EXOC6B: variants seen among roughly 807,000 people sequenced by gnomAD.
The protein encoded by EXOC6B is SEC15 homolog B.
A neutral mutation model predicts 113.5 loss-of-function variants in EXOC6B; 54 were observed. The observed-to-expected ratio is 0.48, with a 90% CI of 0.38 to 0.60. EXOC6B has a LOEUF of 0.60. EXOC6B is among the 20% of genes least tolerant of loss of function. The pLI is 0.00. For missense variants in EXOC6B, 797 were observed against 977.5 expected, an observed-to-expected ratio of 0.82 and a Z score of 2.46; for synonymous variants, 357 against 339.0, an observed-to-expected ratio of 1.05 and a Z score of -0.58.
At chr2:72,232,343 G>T (rs984782135) in intron 20 of EXOC6B, among the ~76,000 whole-genome samples, 1 of 152,084 alleles carries the variant, frequency 6.6e-6, no homozygotes, top group Non-Finnish European at 1.5e-5. Context: ...GATTAAAATG[G>T]GCCCTCTCAT....
At chr2:72,728,763 A>T (rs1029299733) in intron 5 of EXOC6B, among the ~76,000 whole-genome samples, 3 of 152,208 alleles carry the variant, frequency 2.0e-5, no homozygotes, top group African/African-American at 7.2e-5. Flanking sequence ...CTGGGAACCC[A>T]GGAAATATAC....
rs11272395 is a variant in EXOC6B, at chr2:72,313,164, T to TACACAGAGAGGAACA, written c.2196+21768_2196+21782dup. Among the ~76,000 whole-genome samples the TACACAGAGAGGAACA allele has an allele frequency of 5.3e-5, 8 of 151,780 alleles. No homozygotes were observed. The South Asian group carries it at 8.3e-4, about 16-fold the overall frequency. On this transcript the variant is annotated intron_variant, in intron 20 of 21. Transcript: ENST00000272427. ...AAAAACAATAGGGGTAACACATGGA[T>TACACAGAGAGGAACA]ACACAGAGAGGAACAACACAGAGAG...
chr2:72,775,763 G>A (rs1683660074), intron 1 of EXOC6B, among the ~76,000 whole-genome samples: 2 of 152,138 alleles, frequency 1.3e-5, no homozygotes, highest in South Asian at 2.1e-4. Context: ...GGGAAACAGG[G>A]AAGTGGATAT....
At chr2:72,320,428 T>C (rs1336110842) in intron 20 of EXOC6B, among the ~76,000 whole-genome samples, 1 of 151,996 alleles carries the variant, frequency 6.6e-6, no homozygotes, top group African/African-American at 2.4e-5. Flanking sequence ...CCAACACATA[T>C]GTGGTGAATT....
At chr2:72,799,457 C>T (rs1290688944) in intron 1 of EXOC6B, among the ~76,000 whole-genome samples, 1 of 151,396 alleles carries the variant, frequency 6.6e-6, no homozygotes, top group Non-Finnish European at 1.5e-5. Flanking sequence ...GTAGTCCCAG[C>T]TACTCAGGAG....
intron 6 of EXOC6B, among the ~76,000 whole-genome samples, chr2:72,700,083 G>A (rs1678200832): frequency 2.6e-5 from 4 of 152,084 alleles, no homozygotes; most frequent in Admixed American, 1.3e-4. Flanking sequence ...TATGCAAATA[G>A]TTGTTATACT....
At chr2:72,575,372 G>A in intron 7 of EXOC6B, 120 bp downstream of exon 7, 1 of 784,452 alleles carries the variant, frequency 1.3e-6, no homozygotes, top group Middle Eastern at 2.4e-4. Context: ...TATTCAAAAT[G>A]GTATTTGATA....
intron 6 of EXOC6B, among the ~76,000 whole-genome samples, chr2:72,605,168 AGCTACTCGGGAGG>A (rs1558837217): frequency 1.3e-5 from 2 of 151,804 alleles, no homozygotes; most frequent in South Asian, 2.1e-4. Flanking sequence ...TTGTAATCCC[AGCTACTCGGGAGG>A]GCTGAGGCAG....
intron 6 of EXOC6B, among the ~76,000 whole-genome samples, chr2:72,685,693 G>A (rs757483846): frequency 3.3e-5 from 5 of 152,138 alleles, no homozygotes; most frequent in Non-Finnish European, 7.3e-5. Context: ...ACACAGCCTT[G>A]AATTGTAACA....
chr2:72,726,368 G>A (rs1027528736), intron 5 of EXOC6B, among the ~76,000 whole-genome samples: 4 of 152,058 alleles, frequency 2.6e-5, no homozygotes, highest in African/African-American at 9.7e-5. Flanking sequence ...TATATGAATT[G>A]TAATTCAATT....
intron 19 of EXOC6B, chr2:72,354,074 A>C (rs1420846826): frequency 6.6e-6 from 1 of 152,206 alleles, no homozygotes; most frequent in East Asian, 1.9e-4. Context: ...AGAAACTATT[A>C]GTTGAATAAG....
At chr2:72,346,890 T>C (rs1219753701) in intron 19 of EXOC6B, among the ~76,000 whole-genome samples, 1 of 152,090 alleles carries the variant, frequency 6.6e-6, no homozygotes, top group Non-Finnish European at 1.5e-5. Context: ...ACCTACAATC[T>C]TGGGATCCCA....
chr2:72,512,349 AAGGAAGGAAGGAAGGAAAGAAGGAAG>A (rs1558748232), intron 11 of EXOC6B, among the ~76,000 whole-genome samples: 90 of 12,916 alleles, frequency 7.0e-3, no homozygotes, highest in African/African-American at 0.014. Flanking sequence ...GGAAGGAAGG[AAGGAAGGAAGGAAGGAAAGAAGGAAG>A]GAAGGAAGGA....
At chr2:72,426,100 T>C (rs1316654579) in intron 18 of EXOC6B, among the ~76,000 whole-genome samples, 1 of 152,212 alleles carries the variant, frequency 6.6e-6, no homozygotes, top group African/African-American at 2.4e-5. Context: ...TTTTAATTTC[T>C]ACCTCACTAC....
Position 72,510,041 on chromosome 2 carries a change from C to T in EXOC6B, c.1167+3091G>A, listed in dbSNP as rs144765094. On this transcript the variant is annotated intron_variant, in intron 11 of 21. Coordinates refer to ENST00000272427, the MANE Select transcript of EXOC6B (RefSeq NM_015189.3). ...TAGAGACGGGGTTTCACCATGTTGGCCAGACTGGTCTTGAACTCCTGACCT... is the reference window on the plus strand; with the variant it reads ...TAGAGACGGGGTTTCACCATGTTGGTCAGACTGGTCTTGAACTCCTGACCT... 4.9e-3 allele frequency among the ~76,000 whole-genome samples: 748 copies of T among 152,188 alleles called. 11 individuals carry two copies. The highest frequency in any genetic ancestry group is 0.017 in the African/African-American group (695 of 41,526).
intron 19 of EXOC6B, among the ~76,000 whole-genome samples, chr2:72,374,772 G>A: frequency 6.7e-6 from 1 of 149,904 alleles, no homozygotes; most frequent in African/African-American, 2.5e-5. Flanking sequence ...TTGCATGCCT[G>A]AATCAAAATA....
chr2:72,348,704 C>CA (rs1374048010), intron 19 of EXOC6B, among the ~76,000 whole-genome samples: 2 of 152,090 alleles, frequency 1.3e-5, no homozygotes, highest in East Asian at 3.9e-4. Flanking sequence ...ACTTGAGCTA[C>CA]AACTGCAAAT....
At chr2:72,387,074 T>G (rs1573009154) in intron 18 of EXOC6B, among the ~76,000 whole-genome samples, 1 of 152,168 alleles carries the variant, frequency 6.6e-6, no homozygotes, top group African/African-American at 2.4e-5. Context: ...GCTGACAGAA[T>G]TTTATTTTTC....
At chr2:72,678,284 C>T (rs1181381420) in intron 6 of EXOC6B, among the ~76,000 whole-genome samples, 1 of 152,184 alleles carries the variant, frequency 6.6e-6, no homozygotes, top group South Asian at 2.1e-4. Context: ...ACATTTGTAA[C>T]ACAGTTACCA....
Sources: allele counts gnomAD v4.1 joint callset (sites outside exome capture counted in the v4.1 genomes callset), GRCh38; gene constraint gnomAD v4.1.1; transcripts MANE v1.5; gene names NCBI Gene and HGNC (gene_info 2026-07-23, HGNC 2026-07-21).